Variants in BRMS1L observed in about 807,000 individuals in gnomAD.
BRMS1L encodes breast cancer metastasis-suppressor 1-like protein.
A neutral mutation model predicts 50.3 loss-of-function variants in BRMS1L; 23 were observed. The observed-to-expected ratio is 0.46, with a 90% CI of 0.33 to 0.65. The LOEUF (loss-of-function observed/expected upper bound fraction) is 0.65, where lower values mean the gene tolerates loss of function less well. Among genes scored for constraint, BRMS1L ranks in the 30% least tolerant of loss-of-function variants. The pLI, the probability that BRMS1L is intolerant of heterozygous loss-of-function variation, is 0.02. For missense variants in BRMS1L, 286 were observed against 386.1 expected (o/e 0.74, Z 2.17); for synonymous variants, 114 against 126.9 (o/e 0.90, Z 0.69).
chr14:35,842,890 C>T (rs1433127883), intron 4 of BRMS1L, among the ~76,000 whole-genome samples: 1 of 152,156 alleles, frequency 6.6e-6, no homozygotes, highest in Non-Finnish European at 1.5e-5. Flanking sequence ...TAATTCTTTT[C>T]TCTCTAATCT....
intron 4 of BRMS1L, among the ~76,000 whole-genome samples, chr14:35,854,084 C>T (rs953893768): frequency 6.6e-6 from 1 of 152,088 alleles, no homozygotes; most frequent in African/African-American, 2.4e-5. Flanking sequence ...GCTTTTTACC[C>T]TTCAAACGAG....
chr14:35,832,371 T>C (rs1001084635), intron 2 of BRMS1L, among the ~76,000 whole-genome samples: 1 of 146,476 alleles, frequency 6.8e-6, no homozygotes, highest in Non-Finnish European at 1.5e-5. Flanking sequence ...AAAAAAAAAT[T>C]AGCCGGGCGC....
intron 4 of BRMS1L, among the ~76,000 whole-genome samples, chr14:35,860,926 A>G (rs889513489): frequency 1.3e-5 from 2 of 152,188 alleles, no homozygotes; most frequent in East Asian, 1.9e-4. Flanking sequence ...TATGAGTAGT[A>G]TTTTTTTAAA....
intron 4 of BRMS1L, among the ~76,000 whole-genome samples, chr14:35,862,206 A>G (rs2078361327): frequency 6.6e-6 from 1 of 152,170 alleles, no homozygotes; most frequent in African/African-American, 2.4e-5. Flanking sequence ...GTGAGAAAAT[A>G]TGATCCATTT....
intron 7 of BRMS1L, 23 bp from the exon 8 acceptor site, chr14:35,865,699 C>CTTT (rs78231905): frequency 6.9e-5 from 97 of 1,408,860 alleles, no homozygotes; most frequent in Admixed American, 2.6e-4. Flanking sequence ...CTTTCTTCCT[C>CTTT]TTTTTTTTTT....
chr14:35,867,723 TAGTG>T, intron 8 of BRMS1L, 179 bp from the exon 9 acceptor site: 1 of 411,316 alleles, frequency 2.4e-6, no homozygotes, highest in Non-Finnish European at 4.0e-6. Flanking sequence ...ATTAAAAACT[TAGTG>T]ATTATGTAAA....
In BRMS1L at chr14:35,871,083, C is replaced by T. The variant is rs527492292; in HGVS notation, c.*606C>T. On this transcript the variant is annotated 3_prime_UTR_variant, in exon 10 of 10. Coordinates refer to ENST00000216807, the MANE Select transcript of BRMS1L (RefSeq NM_032352.4). ...TTTGTAGAATAGCAACTTTTCTTTTCCTCTTTCTTGATTGTATGGTGGGGT... is the reference window on the plus strand; with the variant it reads ...TTTGTAGAATAGCAACTTTTCTTTTTCTCTTTCTTGATTGTATGGTGGGGT... 3 of 152,558 alleles carry T rather than the reference C, an allele frequency of 2.0e-5. No homozygotes were observed. Among genetic ancestry groups the T allele is most frequent in the Non-Finnish European group, 4.4e-5 (3 of 68,014 alleles). 9.5% of individuals were successfully genotyped at this position (152,558 alleles called of 1,614,324 possible).
At chr14:35,851,879 A>G (rs2078215998) in intron 4 of BRMS1L, among the ~76,000 whole-genome samples, 2 of 152,210 alleles carry the variant, frequency 1.3e-5, no homozygotes, top group South Asian at 4.1e-4. Context: ...TTCCAACACC[A>G]TCTTTTGAAA....
rs571097582 is a variant in BRMS1L, at chr14:35,846,139, C to T, written c.441+11216C>T. 2.6e-5 allele frequency among the ~76,000 whole-genome samples: 4 copies of T among 152,192 alleles called. No homozygotes were observed. In the South Asian group the frequency reaches 6.2e-4, roughly 24 times the overall value. On this transcript the variant is annotated intron_variant, in intron 4 of 9. Coordinates refer to ENST00000216807, the MANE Select transcript of BRMS1L (RefSeq NM_032352.4). ...CAGTGGCTCATGCCTGTAGTCCCAGCGCTTTGGGAGCCTGAGGTGGGAGGA... is the reference window on the plus strand; with the variant it reads ...CAGTGGCTCATGCCTGTAGTCCCAGTGCTTTGGGAGCCTGAGGTGGGAGGA...
chr14:35,861,612 A>T (rs1184382500), intron 4 of BRMS1L, among the ~76,000 whole-genome samples: 5 of 152,224 alleles, frequency 3.3e-5, no homozygotes, highest in Non-Finnish European at 1.5e-5. Context: ...CTTTCTCCTT[A>T]GCACCTGGCT....
At chr14:35,865,906 G>C (rs2078415160) in intron 8 of BRMS1L, 145 bp downstream of exon 8, 1 of 718,054 alleles carries the variant, frequency 1.4e-6, no homozygotes, top group Non-Finnish European at 2.3e-6. Flanking sequence ...AATTCTTCTG[G>C]AGTCATTGCT....
At chr14:35,848,864 A>C (rs2078171657) in intron 4 of BRMS1L, among the ~76,000 whole-genome samples, 2 of 152,128 alleles carry the variant, frequency 1.3e-5, no homozygotes, top group Admixed American at 6.6e-5. Flanking sequence ...CCATTGATGG[A>C]CACTTAACAT....
intron 1 of BRMS1L, among the ~76,000 whole-genome samples, chr14:35,827,622 A>G (rs1316572210): frequency 3.9e-5 from 6 of 152,244 alleles, no homozygotes; most frequent in African/African-American, 1.4e-4. Context: ...AAAAATATTT[A>G]TGAGTGACTT....
intron 4 of BRMS1L, among the ~76,000 whole-genome samples, chr14:35,843,300 C>T (rs565122325): frequency 6.6e-6 from 1 of 152,068 alleles, no homozygotes; most frequent in East Asian, 1.9e-4. Flanking sequence ...ACTGGTTTTT[C>T]CTCATCTTCA....
intron 9 of BRMS1L, among the ~76,000 whole-genome samples, chr14:35,868,857 C>T (rs1391254682): frequency 6.6e-6 from 1 of 152,134 alleles, no homozygotes; most frequent in Non-Finnish European, 1.5e-5. Context: ...AGTAATATGT[C>T]TAGGCTTAAA....
In BRMS1L at chr14:35,851,173, A is replaced by G. The variant is rs1423308547; in HGVS notation, c.442-11417A>G. Among the ~76,000 whole-genome samples the G allele has an allele frequency of 2.6e-5, 4 of 152,242 alleles. No individual in the cohort carries two copies. The East Asian group carries it at 7.7e-4, about 29-fold the overall frequency. On this transcript the variant is annotated intron_variant, in intron 4 of 9. Coordinates refer to ENST00000216807, the MANE Select transcript of BRMS1L (RefSeq NM_032352.4). The stretch of plus-strand genomic sequence containing the variant: ...TTATGGATAATGTCCTGTACTTCCC[A>G]TTACCATCTGGTGGATTTGTTTCAT...
chr14:35,835,404 T>C (rs2077978347), intron 4 of BRMS1L, among the ~76,000 whole-genome samples: 1 of 152,250 alleles, frequency 6.6e-6, no homozygotes, highest in Non-Finnish European at 1.5e-5. Context: ...AACCCATTTA[T>C]GCTGAAGGTT....
intron 4 of BRMS1L, among the ~76,000 whole-genome samples, chr14:35,841,379 A>G (rs1177343462): frequency 6.6e-6 from 1 of 151,792 alleles, no homozygotes; most frequent in Non-Finnish European, 1.5e-5. Flanking sequence ...GCTCACTGCA[A>G]GCTCTGCCTC....
chr14:35,828,363 A>G (rs2077872651), intron 1 of BRMS1L, among the ~76,000 whole-genome samples: 1 of 150,046 alleles, frequency 6.7e-6, no homozygotes, highest in South Asian at 2.1e-4. Flanking sequence ...TAGTAGAGAC[A>G]GGGTTTCTCC....
Sources: gnomAD v4.1 joint callset for allele counts (sites outside exome capture counted in the v4.1 genomes callset) on GRCh38, gnomAD v4.1.1 for gene constraint, MANE v1.5 for transcripts, NCBI Gene and HGNC (gene_info 2026-07-23, HGNC 2026-07-21) for gene names.